The following COL4A3 variants were observed in gnomAD, a reference collection of about 807,000 sequenced individuals.
COL4A3 encodes the protein collagen alpha-3(IV) chain.
COL4A3 carries 135 observed loss-of-function variants against 217.4 expected under a neutral mutation model. That is an observed-to-expected ratio of 0.62 (90% CI 0.54 to 0.72). The LOEUF (loss-of-function observed/expected upper bound fraction) is 0.72. Among genes scored for constraint, COL4A3 ranks in the 30% least tolerant of loss-of-function variants. COL4A3 has a pLI of 0.00. For synonymous variants in COL4A3, 690 were observed against 736.3 expected (o/e 0.94, Z 1.02); for missense variants, 1,868 against 2,119.9 (o/e 0.88, Z 2.33).
intron 3 of COL4A3, 124 bp downstream of exon 3, chr2:227,240,356 T>C: frequency 1.1e-6 from 1 of 906,470 alleles, no homozygotes; most frequent in Non-Finnish European, 1.8e-6. Context: ...CATGGTGAAC[T>C]CCTGGTTTCC....
Position 227,207,415 on chromosome 2 carries a change from G to A in COL4A3, c.88-30553G>A, listed in dbSNP as rs139421705. On this transcript the variant is annotated intron_variant, in intron 1 of 51. Coordinates refer to ENST00000396578, the MANE Select transcript of COL4A3 (RefSeq NM_000091.5). ...CCCTACATTCTCCCTCCTCTCTCTC[G>A]TAGCCGAAACACAGGTTCAGTGGCC... 9.1e-3 allele frequency among the ~76,000 whole-genome samples: 1,380 copies of A among 151,812 alleles called. 15 individuals carry two copies. The highest frequency in any genetic ancestry group is 0.03 in the African/African-American group (1,238 of 41,388).
At chr2:227,227,637 A>G (rs979592866) in intron 1 of COL4A3, 1 of 152,146 alleles carries the variant, frequency 6.6e-6, no homozygotes, top group African/African-American at 2.4e-5. Context: ...GTTCCTTACT[A>G]TCCTTAGCCT....
intron 43 of COL4A3, among the ~76,000 whole-genome samples, chr2:227,302,672 T>G (rs79213633): frequency 0.1 from 5,152 of 51,442 alleles, 192 homozygotes; most frequent in African/African-American, 0.2. Flanking sequence ...ACGAGACTCT[T>G]TCTCCAAAAA....
intron 1 of COL4A3, among the ~76,000 whole-genome samples, chr2:227,225,695 A>G (rs1029978630): frequency 2.0e-5 from 3 of 148,950 alleles, no homozygotes; most frequent in Non-Finnish European, 4.4e-5. Flanking sequence ...TGTTAAGGGA[A>G]CAGCTTTTTC....
Position 227,279,910 on chromosome 2 carries a change from A to C in COL4A3, c.2223+20A>C. 1 of 1,569,052 alleles carries C rather than the reference A, an allele frequency of 6.4e-7. No individual in the cohort carries two copies. Among genetic ancestry groups the C allele is most frequent in the East Asian group, 2.3e-5 (1 of 44,060 alleles). The stretch of plus-strand genomic sequence containing the variant: ...GCCAAGGTATGCAAAAATTCAAGCT[A>C]TCACAGAAGAGAGGGTGGGTGACCA... On this transcript the variant is annotated intron_variant, in intron 29 of 51. Coordinates refer to ENST00000396578, the MANE Select transcript of COL4A3 (RefSeq NM_000091.5).
At chr2:227,189,235 A>G (rs1325218535) in intron 1 of COL4A3, among the ~76,000 whole-genome samples, 4 of 152,162 alleles carry the variant, frequency 2.6e-5, no homozygotes, top group Non-Finnish European at 5.9e-5. Flanking sequence ...AGAGCACAGA[A>G]AAATCTTGAG....
chr2:227,239,636 C>T lies in COL4A3; in HGVS notation c.145-507C>T, dbSNP rs183175086. Among the ~76,000 whole-genome samples the T allele has an allele frequency of 2.0e-5, 3 of 152,334 alleles. No homozygotes were observed. The East Asian group carries it at 5.8e-4, about 29-fold the overall frequency. ...CACCCTTGCTACCTTTCCTGCATCT[C>T]CTACACAAATAACAGATTAAATTAC... On this transcript the variant is annotated intron_variant, in intron 2 of 51. Coordinates refer to ENST00000396578, the MANE Select transcript of COL4A3 (RefSeq NM_000091.5).
At position 227,266,408 on chromosome 2, in the gene COL4A3, T is replaced by C. The variant is rs2070892591; in HGVS notation, c.1316-9T>C. On this transcript the variant is annotated splice_polypyrimidine_tract_variant and intron_variant, in intron 21 of 51. Transcript: ENST00000396578. The stretch of plus-strand genomic sequence containing the variant: ...ATAAAAAATTGTCTTTGGTGCTGTA[T>C]TTTTATAGGTGACATCGTTTTTCGC... 5.0e-6 allele frequency: 8 copies of C among 1,611,104 alleles called. No individual in the cohort carries two copies. The highest frequency in any genetic ancestry group is 6.8e-6 in the Non-Finnish European group (8 of 1,177,294).
At chr2:227,199,536 A>T (rs2066606540) in intron 1 of COL4A3, among the ~76,000 whole-genome samples, 1 of 152,218 alleles carries the variant, frequency 6.6e-6, no homozygotes, top group South Asian at 2.1e-4. Flanking sequence ...TTCCAAAGAG[A>T]TTGATTTGAA....
At chr2:227,220,652 G>T (rs982288888) in intron 1 of COL4A3, among the ~76,000 whole-genome samples, 61 of 151,780 alleles carry the variant, frequency 4.0e-4, no homozygotes, top group Admixed American at 3.0e-3. Context: ...TTTTTGTAGA[G>T]ACAGAGTCTC....
chr2:227,291,145 A>G (rs1351083872), intron 37 of COL4A3: 2 of 469,266 alleles, frequency 4.3e-6, no homozygotes, highest in Admixed American at 3.3e-5. Flanking sequence ...CTGCCAGAAG[A>G]AGGCAGTGAT....
chr2:227,171,097 A>G (rs983966891), intron 1 of COL4A3, among the ~76,000 whole-genome samples: 3 of 152,204 alleles, frequency 2.0e-5, no homozygotes, highest in African/African-American at 7.2e-5. Context: ...TTAGCTGAAT[A>G]CCCACATAAA....
Position 227,279,709 on chromosome 2 carries a change from C to A in COL4A3, c.2126-84C>A, listed in dbSNP as rs2071823858. 4.4e-6 allele frequency: 4 copies of A among 906,228 alleles called. No homozygotes were observed. In the South Asian group the frequency reaches 6.5e-5, roughly 15 times the overall value. 56.1% of individuals were successfully genotyped at this position (906,228 alleles called of 1,614,324 possible). On this transcript the variant is annotated intron_variant, in intron 28 of 51. Transcript: ENST00000396578. ...TAAATTTTCATAAAAGCATCTCTAG[C>A]TGGTTGAGAGATAAGAGAGTTACTG...
intron 1 of COL4A3, among the ~76,000 whole-genome samples, chr2:227,223,901 T>C (rs2067949543): frequency 2.0e-5 from 3 of 152,204 alleles, no homozygotes; most frequent in Non-Finnish European, 4.4e-5. Flanking sequence ...ATGTTTTGCA[T>C]AGCAGTGAGC....
chr2:227,281,154 G>GTTA (rs2071938534), intron 31 of COL4A3, 148 bp downstream of exon 31: 1 of 713,906 alleles, frequency 1.4e-6, no homozygotes, highest in Non-Finnish European at 2.6e-6. Context: ...AAACCTTGCT[G>GTTA]TTATGGGTTT....
At chr2:227,283,699 T>C (rs2072130366) in intron 32 of COL4A3, 68 bp from the exon 33 acceptor site, 4 of 1,245,882 alleles carry the variant, frequency 3.2e-6, no homozygotes, top group Non-Finnish European at 4.7e-6. Flanking sequence ...TTTATTTTAG[T>C]ATATGGAATA....
Position 227,297,612 on chromosome 2 carries a change from T to C in COL4A3, c.3566-62T>C, listed in dbSNP as rs975030782. The stretch of plus-strand genomic sequence containing the variant: ...AAAGTACCTACATTATTAAAGATAG[T>C]CAAGAACTCTAACCCAAGCATATGG... On this transcript the variant is annotated intron_variant, in intron 41 of 51. Coordinates refer to ENST00000396578, the MANE Select transcript of COL4A3 (RefSeq NM_000091.5). 15 of 1,496,238 alleles carry C rather than the reference T, an allele frequency of 1.0e-5. No homozygotes were observed. In the East Asian group the frequency reaches 2.1e-4, roughly 21 times the overall value. 92.7% of individuals were successfully genotyped at this position (1,496,238 alleles called of 1,614,324 possible). A position where few individuals can be genotyped will look rare whatever the true frequency, so the allele number is the denominator to read the frequency against.
rs1469882111 is a variant in COL4A3 at position 227,276,389 on chromosome 2, T to C, written c.1932T>C (p.Pro644=). 3.1e-6 allele frequency: 5 copies of C among 1,613,562 alleles called. No individual in the cohort carries two copies. Among genetic ancestry groups the C allele is most frequent in the Non-Finnish European group, 4.2e-6 (5 of 1,179,462 alleles). ...GAPGPPGEAG[P]RGELSVSTPV... ...ATGACCACAAATTTCCTTAAGGCCC[T>C]AGGGGAGAGCTCAGTGTTTCAACAC... Residue 644 remains proline (P), a synonymous_variant, in exon 27 of 52, where the codon CCT becomes CCC. Transcript: ENST00000396578.
chr2:227,186,088 G>A (rs771503791), intron 1 of COL4A3, among the ~76,000 whole-genome samples: 13 of 152,170 alleles, frequency 8.5e-5, no homozygotes, highest in Non-Finnish European at 1.5e-4. Context: ...AGAATAGCTG[G>A]TTGTGTGTTA....
Sources: gnomAD v4.1 joint callset for allele counts (sites outside exome capture counted in the v4.1 genomes callset) on GRCh38, gnomAD v4.1.1 for gene constraint, MANE v1.5 for transcripts, NCBI Gene and HGNC (gene_info 2026-07-23, HGNC 2026-07-21) for gene names.